The following PCSK2 variants were observed in gnomAD, a reference collection of about 807,000 sequenced individuals.
PCSK2 encodes the protein neuroendocrine convertase 2.
In PCSK2, 14 loss-of-function variants were observed where a neutral mutation model predicts 69.7. The ratio of observed to expected loss-of-function variants is 0.20; its 90% CI spans 0.13 to 0.31. The LOEUF is 0.31. PCSK2 is among the 10% of genes least tolerant of loss of function. The pLI is 1.00. For missense variants in PCSK2, 544 were observed against 842.5 expected (o/e 0.65, Z 4.39); for synonymous variants, 307 against 320.7 (o/e 0.96, Z 0.46).
chr20:17,365,546 G>A (rs756601335), intron 4 of PCSK2, among the ~76,000 whole-genome samples: 36 of 152,108 alleles, frequency 2.4e-4, no homozygotes, highest in Non-Finnish European at 3.5e-4. Flanking sequence ...CAACATCAAA[G>A]TCTAAAGCCC....
intron 1 of PCSK2, among the ~76,000 whole-genome samples, chr20:17,251,367 G>T (rs1430456176): frequency 1.3e-5 from 2 of 152,134 alleles, no homozygotes; most frequent in African/African-American, 2.4e-5. Flanking sequence ...TGTTAAATTT[G>T]CCATGGGGAA....
chr20:17,274,423 G>T (rs567744995), intron 2 of PCSK2, among the ~76,000 whole-genome samples: 1 of 152,150 alleles, frequency 6.6e-6, no homozygotes, highest in Non-Finnish European at 1.5e-5. Context: ...CATTTTATCT[G>T]GTAGAACGTG....
chr20:17,389,946 T>C (rs2031331586), intron 5 of PCSK2, among the ~76,000 whole-genome samples: 2 of 152,204 alleles, frequency 1.3e-5, no homozygotes, highest in South Asian at 4.1e-4. Flanking sequence ...AAGGTATGTT[T>C]ATAAAATGGC....
chr20:17,375,175 C>T (rs1444582422), intron 5 of PCSK2, among the ~76,000 whole-genome samples: 1 of 152,150 alleles, frequency 6.6e-6, no homozygotes, highest in East Asian at 1.9e-4. Flanking sequence ...GTTGAGGTTA[C>T]AACGTTGCAC....
At chr20:17,447,676 T>C (rs1600587478) in intron 8 of PCSK2, among the ~76,000 whole-genome samples, 1 of 152,134 alleles carries the variant, frequency 6.6e-6, no homozygotes, top group East Asian at 1.9e-4. Flanking sequence ...AAGACATATA[T>C]AAGATTATGT....
intron 1 of PCSK2, among the ~76,000 whole-genome samples, chr20:17,233,599 C>T (rs765057158): frequency 2.6e-5 from 4 of 152,104 alleles, no homozygotes; most frequent in Non-Finnish European, 5.9e-5. Context: ...TGGCTAGTTG[C>T]TCTAGAGAGG....
At chr20:17,424,660 T>G (rs1433637649) in intron 6 of PCSK2, among the ~76,000 whole-genome samples, 1 of 152,042 alleles carries the variant, frequency 6.6e-6, no homozygotes, top group African/African-American at 2.4e-5. Flanking sequence ...GCCTGGCTAA[T>G]TTTTGTATTT....
chr20:17,294,117 T>TC (rs1366172284), intron 2 of PCSK2, among the ~76,000 whole-genome samples: 4 of 145,292 alleles, frequency 2.8e-5, no homozygotes, highest in Non-Finnish European at 6.1e-5. Flanking sequence ...TTTTTTTTTT[T>TC]TTTTTGAGAC....
At chr20:17,471,819 T>G (rs564278215) in intron 11 of PCSK2, among the ~76,000 whole-genome samples, 1 of 152,330 alleles carries the variant, frequency 6.6e-6, no homozygotes, top group East Asian at 1.9e-4. Context: ...AGGAGGCCCT[T>G]GTGACCACGA....
At position 17,482,120 on chromosome 20, in the gene PCSK2, G is replaced by A; in HGVS notation, c.*50G>A. On this transcript the variant is annotated 3_prime_UTR_variant, in exon 12 of 12. Transcript: ENST00000262545. ...GCCCTCCCTCCCCAGCTCCGCCTCT[G>A]TCCTCGCTCCACGTTTCAGGCAGGC... is the stretch of plus-strand genomic sequence containing the variant. 2.0e-6 allele frequency: 3 copies of A among 1,502,144 alleles called. No homozygotes were observed. Among genetic ancestry groups the A allele is most frequent in the East Asian group, 2.3e-5 (1 of 43,596 alleles). 93.1% of individuals were successfully genotyped at this position (1,502,144 alleles called of 1,614,324 possible).
intron 6 of PCSK2, among the ~76,000 whole-genome samples, chr20:17,419,663 G>A (rs1204698319): frequency 6.6e-6 from 1 of 152,138 alleles, no homozygotes; most frequent in Non-Finnish European, 1.5e-5. Context: ...CTTGACATCT[G>A]TCCATTGTCA....
chr20:17,388,848 T>C (rs1260936703), intron 5 of PCSK2, among the ~76,000 whole-genome samples: 1 of 152,144 alleles, frequency 6.6e-6, no homozygotes, highest in African/African-American at 2.4e-5. Context: ...GTTACAAAGA[T>C]TTTGACGGGA....
chr20:17,230,984 C>A (rs1348140189), intron 1 of PCSK2, among the ~76,000 whole-genome samples: 2 of 152,266 alleles, frequency 1.3e-5, no homozygotes, highest in East Asian at 3.9e-4. Flanking sequence ...ACAGTAATGA[C>A]AAAAGCATTA....
intron 6 of PCSK2, among the ~76,000 whole-genome samples, chr20:17,423,109 G>A (rs756216325): frequency 6.6e-6 from 1 of 152,136 alleles, no homozygotes; most frequent in Non-Finnish European, 1.5e-5. Flanking sequence ...CCAAGGTTAA[G>A]GGTCATGACC....
chr20:17,327,133 G>A (rs559139148), intron 2 of PCSK2, among the ~76,000 whole-genome samples: 10 of 152,320 alleles, frequency 6.6e-5, no homozygotes, highest in African/African-American at 2.4e-4. Context: ...ACAGCTACAA[G>A]ATCATTTATT....
At chr20:17,479,653 C>G (rs1324336430) in intron 11 of PCSK2, among the ~76,000 whole-genome samples, 1 of 151,906 alleles carries the variant, frequency 6.6e-6, no homozygotes, top group Non-Finnish European at 1.5e-5. Flanking sequence ...TAAATAATTA[C>G]CCGGGCACAG....
At chr20:17,417,513 CAA>C (rs2032026783) in intron 6 of PCSK2, among the ~76,000 whole-genome samples, 3 of 152,290 alleles carry the variant, frequency 2.0e-5, no homozygotes, top group Middle Eastern at 6.8e-3. Context: ...CTTGTTATTA[CAA>C]AGACTGGATG....
chr20:17,276,860 T>G (rs1208259493), intron 2 of PCSK2, among the ~76,000 whole-genome samples: 2 of 152,156 alleles, frequency 1.3e-5, no homozygotes, highest in African/African-American at 2.4e-5. Context: ...GATAAGCAAC[T>G]TCAGCAAAGT....
intron 1 of PCSK2, among the ~76,000 whole-genome samples, chr20:17,230,300 A>C (rs1280485356): frequency 6.6e-6 from 1 of 152,172 alleles, no homozygotes; most frequent in Non-Finnish European, 1.5e-5. Context: ...AAAGGTCAGC[A>C]ATGGAGGCTA....
Sources: gnomAD v4.1 joint callset for allele counts (sites outside exome capture counted in the v4.1 genomes callset) on GRCh38, gnomAD v4.1.1 for gene constraint, MANE v1.5 for transcripts, NCBI Gene and HGNC (gene_info 2026-07-23, HGNC 2026-07-21) for gene names.